CAB39L: variants seen among roughly 807,000 people sequenced by gnomAD.
CAB39L encodes the protein calcium-binding protein 39-like.
CAB39L carries 23 observed loss-of-function variants against 39.1 expected under a neutral mutation model. The ratio of observed to expected loss-of-function variants is 0.59; its 90% CI spans 0.42 to 0.83. CAB39L has a LOEUF of 0.83. CAB39L is among the 40% of genes least tolerant of loss of function. The pLI is 0.00. For missense variants in CAB39L, 366 were observed against 391.9 expected, an observed-to-expected ratio of 0.93 and a Z score of 0.56; for synonymous variants, 126 against 137.2, an observed-to-expected ratio of 0.92 and a Z score of 0.57.
At chr13:49,382,294 G>A (rs1457880395) in intron 4 of CAB39L, among the ~76,000 whole-genome samples, 1 of 152,050 alleles carries the variant, frequency 6.6e-6, no homozygotes. Flanking sequence ...TACTGGAATA[G>A]AAGGATACTA....
At chr13:49,410,180 T>C (rs1956961436) in intron 3 of CAB39L, among the ~76,000 whole-genome samples, 1 of 152,196 alleles carries the variant, frequency 6.6e-6, no homozygotes, top group Admixed American at 6.5e-5. Flanking sequence ...AAAATGGGCT[T>C]AGTGCCATAA....
chr13:49,402,501 ACT>A (rs1566120155), intron 3 of CAB39L, among the ~76,000 whole-genome samples: 1 of 152,154 alleles, frequency 6.6e-6, no homozygotes, highest in East Asian at 1.9e-4. Flanking sequence ...TCCATCTCCC[ACT>A]ATGTCCCCAG....
chr13:49,418,277 CA>C (rs1479442212), intron 3 of CAB39L, among the ~76,000 whole-genome samples: 1 of 152,140 alleles, frequency 6.6e-6, no homozygotes, highest in East Asian at 1.9e-4. Flanking sequence ...AAGCCAGTCT[CA>C]AAAGGTCACA....
At chr13:49,311,073 C>A (rs1593882257) in intron 10 of CAB39L, 80 bp from the exon 11 acceptor site, 1 of 1,272,572 alleles carries the variant, frequency 7.9e-7, no homozygotes, top group East Asian at 2.3e-5. Context: ...CCAGGGACCT[C>A]ACCCACACTA....
intron 3 of CAB39L, among the ~76,000 whole-genome samples, chr13:49,386,842 C>A (rs148151263): frequency 4.2e-4 from 64 of 151,840 alleles, no homozygotes; most frequent in African/African-American, 1.3e-3. Context: ...CCCCCACTCC[C>A]AGACTAAACA....
At chr13:49,440,226 C>T (rs1027202026) in intron 1 of CAB39L, among the ~76,000 whole-genome samples, 8 of 151,984 alleles carry the variant, frequency 5.3e-5, no homozygotes, top group African/African-American at 1.7e-4. Flanking sequence ...ACATTTAAAT[C>T]TTTAATCCAT....
Position 49,377,534 on chromosome 13 carries a change from T to C in CAB39L, c.112-403A>G, listed in dbSNP as rs1375300804. Among the ~76,000 whole-genome samples, 2 of 86,608 alleles carry C rather than the reference T, an allele frequency of 2.3e-5. 1 individual carries two copies. Among genetic ancestry groups the C allele is most frequent in the Non-Finnish European group, 4.6e-5 (2 of 43,518 alleles). 56.8% of individuals were successfully genotyped at this position (86,608 alleles called of 152,430 possible). A position where few individuals can be genotyped will look rare whatever the true frequency, so the allele number is the denominator to read the frequency against. Reference sequence around the variant, plus strand: ...CTCCTGCCTCAGCCTGCCCAGTGCCTGCCATTGCAGGCACGCGCCGCCACG... The same window carrying C: ...CTCCTGCCTCAGCCTGCCCAGTGCCCGCCATTGCAGGCACGCGCCGCCACG... On this transcript the variant is annotated intron_variant, in intron 4 of 10. Transcript: ENST00000409308.
chr13:49,347,727 T>C (rs1955221374), intron 7 of CAB39L, among the ~76,000 whole-genome samples: 1 of 152,182 alleles, frequency 6.6e-6, no homozygotes, highest in Non-Finnish European at 1.5e-5. Context: ...CTAGCCGCTG[T>C]ACAATTTTTG....
chr13:49,334,012 G>T (rs1383105069), intron 9 of CAB39L, among the ~76,000 whole-genome samples: 1 of 152,144 alleles, frequency 6.6e-6, no homozygotes, highest in Non-Finnish European at 1.5e-5. Flanking sequence ...GTTGGGAAGA[G>T]AATTGGTCTT....
At chr13:49,346,049 T>C (rs1473301284) in intron 7 of CAB39L, among the ~76,000 whole-genome samples, 1 of 98,314 alleles carries the variant, frequency 1.0e-5, no homozygotes, top group African/African-American at 3.9e-5. Context: ...TGGGGTAGAA[T>C]TCCTCCAGCA....
chr13:49,416,328 G>A (rs146066223), intron 3 of CAB39L, among the ~76,000 whole-genome samples: 5 of 152,204 alleles, frequency 3.3e-5, no homozygotes, highest in East Asian at 3.9e-4. Flanking sequence ...CAAAAAATAC[G>A]GCTAACACAA....
chr13:49,401,952 G>A (rs1956781749), intron 3 of CAB39L, among the ~76,000 whole-genome samples: 1 of 152,022 alleles, frequency 6.6e-6, no homozygotes, highest in Non-Finnish European at 1.5e-5. Context: ...AGGTTTTAGA[G>A]TACTTATAAT....
intron 5 of CAB39L, among the ~76,000 whole-genome samples, chr13:49,369,241 A>T (rs1383465284): frequency 1.3e-5 from 2 of 152,236 alleles, no homozygotes; most frequent in African/African-American, 4.8e-5. Flanking sequence ...ACCTATGTTC[A>T]CACTAAATAC....
rs1421639255 is a variant in CAB39L at position 49,443,990 on chromosome 13, G to A, written c.-250C>T. 2 of 456,648 alleles carry A rather than the reference G, an allele frequency of 4.4e-6. No individual in the cohort carries two copies. Among genetic ancestry groups the A allele is most frequent in the East Asian group, 6.9e-5 (1 of 14,412 alleles). The allele number at this position is 456,648 out of a possible 1,614,324, so 28.3% of individuals were successfully genotyped here. ...AGATGGCAGCCTCACACCTACCGGA[G>A]GAAACAGCTGCGCCACCACTCCAGT... On this transcript the variant is annotated 5_prime_UTR_variant, in exon 1 of 11. Coordinates refer to ENST00000409308, the MANE Select transcript of CAB39L (RefSeq NM_001079670.3).
chr13:49,355,000 A>T (rs1311475666), intron 6 of CAB39L, among the ~76,000 whole-genome samples: 1 of 152,220 alleles, frequency 6.6e-6, no homozygotes, highest in Non-Finnish European at 1.5e-5. Context: ...AAGCTTTTGT[A>T]AAATGCCATT....
At chr13:49,428,284 T>G (rs1010537493) in intron 3 of CAB39L, among the ~76,000 whole-genome samples, 1 of 152,230 alleles carries the variant, frequency 6.6e-6, no homozygotes, top group Non-Finnish European at 1.5e-5. Flanking sequence ...CTGGAAGGAC[T>G]ACTGGCTACT....
intron 3 of CAB39L, among the ~76,000 whole-genome samples, chr13:49,399,247 A>G (rs1956713072): frequency 6.6e-6 from 1 of 152,114 alleles, no homozygotes; most frequent in Non-Finnish European, 1.5e-5. Flanking sequence ...CAATGGCCAG[A>G]AATATTCTTG....
chr13:49,443,323 T>A (rs1409541467), intron 1 of CAB39L, among the ~76,000 whole-genome samples: 1 of 106,220 alleles, frequency 9.4e-6, no homozygotes. Context: ...ACCACCACTT[T>A]CTAGCTTAAA....
intron 9 of CAB39L, among the ~76,000 whole-genome samples, chr13:49,335,310 T>C (rs112398421): frequency 1.1e-4 from 17 of 152,304 alleles, no homozygotes; most frequent in African/African-American, 4.1e-4. Flanking sequence ...ATGAGTTAAG[T>C]TCAGATTAGG....
Sources: gnomAD v4.1 joint callset for allele counts (sites outside exome capture counted in the v4.1 genomes callset) on GRCh38, gnomAD v4.1.1 for gene constraint, MANE v1.5 for transcripts, NCBI Gene and HGNC (gene_info 2026-07-23, HGNC 2026-07-21) for gene names.